The following EBF1 variants were observed in gnomAD, a reference collection of about 807,000 sequenced individuals.
The protein encoded by EBF1 is EBF transcription factor 1, also known as transcription factor COE1.
A neutral mutation model predicts 68.4 loss-of-function variants in EBF1; 10 were observed. That is an observed-to-expected ratio of 0.15 (90% confidence interval 0.09 to 0.25). The LOEUF (loss-of-function observed/expected upper bound fraction) is 0.25. Among genes scored for constraint, EBF1 ranks in the 10% least tolerant of loss-of-function variants. EBF1 has a pLI of 1.00. For missense variants in EBF1, 509 were observed against 794.4 expected (o/e 0.64, Z 4.32); for synonymous variants, 298 against 299.8 (o/e 0.99, Z 0.06).
chr5:158,994,135 T>C (rs892966156), intron 6 of EBF1, among the ~76,000 whole-genome samples: 2 of 152,104 alleles, frequency 1.3e-5, no homozygotes, highest in African/African-American at 2.4e-5. Flanking sequence ...TGCAGGTGGG[T>C]GCGTCTCAGA....
intron 10 of EBF1, among the ~76,000 whole-genome samples, chr5:158,765,815 A>G (rs149226924): frequency 6.6e-6 from 1 of 152,276 alleles, no homozygotes; most frequent in Non-Finnish European, 1.5e-5. Flanking sequence ...AGGTCCATGT[A>G]AAAGGGTGAG....
At chr5:158,988,165 T>A (rs1759492172) in intron 6 of EBF1, among the ~76,000 whole-genome samples, 1 of 152,228 alleles carries the variant, frequency 6.6e-6, no homozygotes, top group South Asian at 2.1e-4. Context: ...GAAGAAACTA[T>A]GAGCCAGCCA....
chr5:158,746,339 C>G (rs574664446), intron 10 of EBF1, among the ~76,000 whole-genome samples: 1 of 152,134 alleles, frequency 6.6e-6, no homozygotes, highest in African/African-American at 2.4e-5. Flanking sequence ...TCAGTACAAG[C>G]TTTCTGGAGG....
intron 10 of EBF1, among the ~76,000 whole-genome samples, chr5:158,737,435 C>G (rs1054883130): frequency 2.6e-5 from 4 of 151,818 alleles, no homozygotes; most frequent in African/African-American, 9.7e-5. Flanking sequence ...AGGCGCCCAC[C>G]ACCACGCCCA....
chr5:159,000,476 C>A lies in EBF1; in HGVS notation c.554+72920G>T, dbSNP rs147585529. Among the ~76,000 whole-genome samples the A allele has an allele frequency of 3.6e-3, 541 of 152,238 alleles. 2 individuals carry two copies. The highest frequency in any genetic ancestry group is 0.012 in the African/African-American group (494 of 41,552). ...TTGTTTTGATTTTTCCATAGAACAGCATTTTTACTTGAAAATACAACTGAC... is the reference window on the plus strand; with the variant it reads ...TTGTTTTGATTTTTCCATAGAACAGAATTTTTACTTGAAAATACAACTGAC... On this transcript the variant is annotated intron_variant, in intron 6 of 15. Transcript: ENST00000313708.
At chr5:159,077,377 T>A (rs555034348) in intron 5 of EBF1, among the ~76,000 whole-genome samples, 24 of 152,252 alleles carry the variant, frequency 1.6e-4, no homozygotes, top group African/African-American at 5.5e-4. Flanking sequence ...AAACGGAGGT[T>A]ACAGTGACCT....
rs1343947038 is a variant in EBF1, at chr5:159,007,800, C to G, written c.554+65596G>C. 2.6e-5 allele frequency among the ~76,000 whole-genome samples: 4 copies of G among 152,022 alleles called. No homozygotes were observed. The East Asian group carries it at 7.7e-4, about 29-fold the overall frequency. On this transcript the variant is annotated intron_variant, in intron 6 of 15. Transcript: ENST00000313708. ...ATTTTTTTTTTCAAAAATAGGAGTT[C>G]AGAAATGAGGGGTGTTAGAAACACA...
intron 6 of EBF1, among the ~76,000 whole-genome samples, chr5:159,015,331 G>T (rs1231136963): frequency 6.6e-6 from 1 of 152,214 alleles, no homozygotes; most frequent in Non-Finnish European, 1.5e-5. Flanking sequence ...CTAAATGGAT[G>T]AATTTCACTG....
intron 13 of EBF1, 97 bp downstream of exon 13, chr5:158,712,873 T>A: frequency 4.1e-6 from 5 of 1,215,466 alleles, no homozygotes; most frequent in Non-Finnish European, 5.5e-6. Flanking sequence ...CCTTTTGGGA[T>A]GAAAATAATT....
At chr5:158,985,869 T>G (rs1035586265) in intron 6 of EBF1, 2 of 152,346 alleles carry the variant, frequency 1.3e-5, no homozygotes, top group Non-Finnish European at 1.5e-5. Context: ...GAAGAAGGTA[T>G]GATTCCTTGA....
chr5:159,035,602 T>G (rs140209180), intron 6 of EBF1, among the ~76,000 whole-genome samples: 705 of 152,346 alleles, frequency 4.6e-3, no homozygotes, highest in Non-Finnish European at 7.4e-3. Context: ...CTTTGTACAA[T>G]TCATCCAACC....
intron 6 of EBF1, among the ~76,000 whole-genome samples, chr5:158,887,704 G>A (rs1800325642): frequency 6.6e-6 from 1 of 152,180 alleles, no homozygotes; most frequent in Non-Finnish European, 1.5e-5. Flanking sequence ...GATTGGAAGC[G>A]TCTTTTATAC....
intron 6 of EBF1, among the ~76,000 whole-genome samples, chr5:158,929,180 T>C (rs1810327058): frequency 6.6e-6 from 1 of 152,114 alleles, no homozygotes; most frequent in Non-Finnish European, 1.5e-5. Context: ...ATGGCAGACA[T>C]ATAATATTAA....
rs142651543 is a variant in EBF1 at position 158,772,247 on chromosome 5, C to T, written c.1036+5166G>A. On this transcript the variant is annotated intron_variant, in intron 10 of 15. Coordinates refer to ENST00000313708, the MANE Select transcript of EBF1 (RefSeq NM_024007.5). Reference sequence around the variant, plus strand: ...AAACTCTCCACTTCTTCCCTAAAACCAATGACTTTGTTCAAGCCCAAGGTG... The same window carrying T: ...AAACTCTCCACTTCTTCCCTAAAACTAATGACTTTGTTCAAGCCCAAGGTG... Among the ~76,000 whole-genome samples the T allele has an allele frequency of 2.6e-3, 396 of 152,244 alleles. 2 individuals are homozygous for T. Among genetic ancestry groups the T allele is most frequent in the African/African-American group, 9.2e-3 (384 of 41,576 alleles).
At chr5:158,767,953 G>A (rs1773094277) in intron 10 of EBF1, among the ~76,000 whole-genome samples, 1 of 152,104 alleles carries the variant, frequency 6.6e-6, no homozygotes, top group African/African-American at 2.4e-5. Context: ...GAAAAGTACA[G>A]CACGTGGTGG....
chr5:158,785,890 G>A (rs1334771871), intron 9 of EBF1, among the ~76,000 whole-genome samples: 8 of 152,108 alleles, frequency 5.3e-5, no homozygotes, highest in Admixed American at 5.2e-4. Context: ...CCTATTCATT[G>A]TCCGTGTCCC....
chr5:158,739,660 GTCTT>G (rs1478277417), intron 10 of EBF1, among the ~76,000 whole-genome samples: 1 of 152,116 alleles, frequency 6.6e-6, no homozygotes, highest in African/African-American at 2.4e-5. Context: ...AACATATTCT[GTCTT>G]TCTTAACATT....
intron 15 of EBF1, among the ~76,000 whole-genome samples, chr5:158,705,206 C>G (rs1331059708): frequency 6.6e-6 from 1 of 152,164 alleles, no homozygotes; most frequent in African/African-American, 2.4e-5. Context: ...GTCTCAAAGA[C>G]CTGACCTCAG....
intron 6 of EBF1, among the ~76,000 whole-genome samples, chr5:159,016,119 T>C (rs1479664630): frequency 1.7e-4 from 26 of 152,178 alleles, no homozygotes; most frequent in Admixed American, 1.7e-3. Flanking sequence ...ACATAAAACC[T>C]CAGTAGAGGT....
Sources: gnomAD v4.1 joint callset for allele counts (sites outside exome capture counted in the v4.1 genomes callset) on GRCh38, gnomAD v4.1.1 for gene constraint, MANE v1.5 for transcripts, NCBI Gene and HGNC (gene_info 2026-07-23, HGNC 2026-07-21) for gene names.